The following TMTC4 variants were observed in gnomAD, a reference collection of about 807,000 sequenced individuals.
The protein encoded by TMTC4 is transmembrane O-mannosyltransferase targeting cadherins 4.
A neutral mutation model predicts 86.0 loss-of-function variants in TMTC4; 65 were observed. The ratio of observed to expected loss-of-function variants is 0.76; its 90% CI spans 0.62 to 0.93. TMTC4 has a LOEUF of 0.93. TMTC4 is among the 40% of genes least tolerant of loss of function. The pLI is 0.00. For synonymous variants in TMTC4, 379 were observed against 382.5 expected, an observed-to-expected ratio of 0.99 and a Z score of 0.11; for missense variants, 866 against 948.1, an observed-to-expected ratio of 0.91 and a Z score of 1.14.
chr13:100,655,323 C>T (rs1053823813), intron 6 of TMTC4, among the ~76,000 whole-genome samples: 1 of 152,142 alleles, frequency 6.6e-6, no homozygotes, highest in Non-Finnish European at 1.5e-5. Context: ...GCACCAGGCC[C>T]ACAACTCCTA....
chr13:100,632,053 A>ACACACCCTCTCTCT (rs1296569630), intron 12 of TMTC4, among the ~76,000 whole-genome samples: 1 of 43,110 alleles, frequency 2.3e-5, no homozygotes, highest in Admixed American at 2.4e-4. Context: ...ACACACACAC[A>ACACACCCTCTCTCT]CTCTCTCTCT....
chr13:100,659,206 C>T (rs926156825), intron 5 of TMTC4, among the ~76,000 whole-genome samples: 3 of 152,154 alleles, frequency 2.0e-5, no homozygotes, highest in Non-Finnish European at 4.4e-5. Flanking sequence ...TTTCCCCTCC[C>T]GATTCCTTCT....
chr13:100,663,720 C>T (rs1886076048), intron 4 of TMTC4, among the ~76,000 whole-genome samples: 2 of 152,108 alleles, frequency 1.3e-5, no homozygotes, highest in Admixed American at 6.6e-5. Context: ...TCCTGTGGGA[C>T]GTCTACTCAC....
intron 13 of TMTC4, 30 bp from the exon 14 acceptor site, chr13:100,625,922 A>G (rs774000510): frequency 1.4e-5 from 22 of 1,605,908 alleles, no homozygotes; most frequent in South Asian, 3.3e-5. Context: ...CAAGCTGACC[A>G]TTAAATGCTC....
In TMTC4 at chr13:100,604,755, T is replaced by C. The variant is rs1477961767; in HGVS notation, c.*239A>G. ...TCTGTTTAATTAAAAAAGACATTTT[T>C]GGAATTTTAGAATTACATTTGAGTT... On this transcript the variant is annotated 3_prime_UTR_variant, in exon 19 of 19. Coordinates refer to ENST00000342624, the MANE Select transcript of TMTC4 (RefSeq NM_032813.5). The C allele has an allele frequency of 2.6e-6, 1 of 378,342 alleles. No homozygotes were observed. The highest frequency in any genetic ancestry group is 2.1e-5 in the African/African-American group (1 of 47,530). 23.4% of individuals were successfully genotyped at this position (378,342 alleles called of 1,614,324 possible).
chr13:100,665,097 A>T (rs1408760758), intron 3 of TMTC4, among the ~76,000 whole-genome samples: 8 of 152,220 alleles, frequency 5.3e-5, no homozygotes, highest in Non-Finnish European at 8.8e-5. Context: ...TTTCCAGACA[A>T]AAGTCACTAA....
intron 2 of TMTC4, among the ~76,000 whole-genome samples, chr13:100,669,914 A>C (rs2068431837): frequency 6.6e-6 from 1 of 152,086 alleles, no homozygotes; most frequent in African/African-American, 2.4e-5. Context: ...TGTTTCCTCA[A>C]CACTAAAATG....
At chr13:100,611,568 G>C (rs1877586263) in intron 17 of TMTC4, among the ~76,000 whole-genome samples, 1 of 152,178 alleles carries the variant, frequency 6.6e-6, no homozygotes, top group South Asian at 2.1e-4. Context: ...CTGGGCGAAA[G>C]AGCGAGACTC....
At position 100,612,381 on chromosome 13, in the gene TMTC4, G is replaced by A; in HGVS notation, c.2064+17C>T. On this transcript the variant is annotated intron_variant, in intron 17 of 18. Coordinates refer to ENST00000342624, the MANE Select transcript of TMTC4 (RefSeq NM_032813.5). ...CTGGCACTAACTGCAAGAACTCACA[G>A]CCTGCGGTTTACGCACCTTGTATTT... The A allele has an allele frequency of 1.9e-6, 3 of 1,573,980 alleles. No homozygotes were observed. Among genetic ancestry groups the A allele is most frequent in the Non-Finnish European group, 2.6e-6 (3 of 1,153,794 alleles).
intron 6 of TMTC4, among the ~76,000 whole-genome samples, chr13:100,645,524 C>T (rs1328444929): frequency 6.6e-6 from 1 of 151,704 alleles, no homozygotes; most frequent in East Asian, 1.9e-4. Context: ...GCCCGGTTCA[C>T]CTCTCCATGT....
rs1566588568 is a variant in TMTC4, at chr13:100,630,057, GTGTGTGTGTA to G, written c.1507-3917_1507-3908del. On this transcript the variant is annotated intron_variant, in intron 12 of 18. Coordinates refer to ENST00000342624, the MANE Select transcript of TMTC4 (RefSeq NM_032813.5). The stretch of plus-strand genomic sequence containing the variant: ...TGTGTGTGTGTGTGTGTGTGTGTGT[GTGTGTGTGTA>G]TGTGTGTGTGTGTGTTTATAGCAGC... Among the ~76,000 whole-genome samples the G allele has an allele frequency of 1.9e-3, 247 of 127,822 alleles. 1 individual carries two copies. Among genetic ancestry groups the G allele is most frequent in the African/African-American group, 6.7e-3 (230 of 34,202 alleles). The allele number at this position is 127,822 out of a possible 152,430, so 83.9% of individuals were successfully genotyped here.
chr13:100,638,173 A>G (rs1882525895), intron 7 of TMTC4, 151 bp from the exon 8 acceptor site: 1 of 572,764 alleles, frequency 1.7e-6, no homozygotes. Flanking sequence ...AAAAACACAT[A>G]ACAGCCGTAC....
Position 100,625,337 on chromosome 13 carries a change from C to T in TMTC4, c.1836+198G>A, listed in dbSNP as rs1880302097. The T allele has an allele frequency of 5.8e-6, 4 of 689,724 alleles. No homozygotes were observed. The East Asian group carries it at 1.1e-4, about 20-fold the overall frequency. The allele number at this position is 689,724 out of a possible 1,614,324, so 42.7% of individuals were successfully genotyped here. A position where few individuals can be genotyped will look rare whatever the true frequency, so the allele number is the denominator to read the frequency against. On this transcript the variant is annotated intron_variant, in intron 15 of 18. Coordinates refer to ENST00000342624, the MANE Select transcript of TMTC4 (RefSeq NM_032813.5). The stretch of plus-strand genomic sequence containing the variant: ...GGTGACCTCTTAAACTTGACTAATT[C>T]ACACTGTACTGCTCTCTAATGAGAG...
intron 15 of TMTC4, among the ~76,000 whole-genome samples, chr13:100,620,638 T>A (rs1356464240): frequency 6.6e-6 from 1 of 152,194 alleles, no homozygotes; most frequent in Non-Finnish European, 1.5e-5. Flanking sequence ...CCTTCCATCA[T>A]GCATTGTCTT....
At position 100,674,518 on chromosome 13, in the gene TMTC4, G is replaced by A. The variant is rs867046438; in HGVS notation, c.-208+226C>T. ...GCGGGGCGCGCAGCCTCCACGCCGC[G>A]CCCTTTGTCCCATGTGCGGCTCACA... On this transcript the variant is annotated intron_variant, in intron 1 of 18. Coordinates refer to ENST00000342624, the MANE Select transcript of TMTC4 (RefSeq NM_032813.5). 104 of 975,762 alleles carry A rather than the reference G, an allele frequency of 1.1e-4. No homozygotes were observed. In the Middle Eastern group the frequency reaches 3.7e-3, roughly 35 times the overall value. 60.4% of individuals were successfully genotyped at this position (975,762 alleles called of 1,614,324 possible).
At chr13:100,644,394 C>T (rs1445202622) in intron 6 of TMTC4, among the ~76,000 whole-genome samples, 5 of 152,120 alleles carry the variant, frequency 3.3e-5, no homozygotes, top group Admixed American at 6.5e-5. Context: ...TGAGTTATTG[C>T]GCCCGGCCGG....
chr13:100,673,525 G>A (rs886892987), intron 1 of TMTC4, among the ~76,000 whole-genome samples: 1 of 152,202 alleles, frequency 6.6e-6, no homozygotes, highest in Non-Finnish European at 1.5e-5. Flanking sequence ...GCATCCCTGG[G>A]CCTGGCAGTT....
At chr13:100,652,296 T>C (rs945137944) in intron 6 of TMTC4, among the ~76,000 whole-genome samples, 1 of 152,106 alleles carries the variant, frequency 6.6e-6, no homozygotes, top group Non-Finnish European at 1.5e-5. Flanking sequence ...CTGGCCAATG[T>C]GGCGAAACCC....
intron 17 of TMTC4, among the ~76,000 whole-genome samples, chr13:100,609,751 AGTT>A (rs955832502): frequency 1.2e-4 from 18 of 152,168 alleles, no homozygotes; most frequent in Non-Finnish European, 1.6e-4. Context: ...TTGCAAATTA[AGTT>A]GTTGTGCATT....
Sources: allele counts gnomAD v4.1 joint callset (sites outside exome capture counted in the v4.1 genomes callset), GRCh38; gene constraint gnomAD v4.1.1; transcripts MANE v1.5; gene names NCBI Gene and HGNC (gene_info 2026-07-23, HGNC 2026-07-21).